Variants in P2RY10 observed in about 807,000 individuals in gnomAD.
P2RY10 encodes P2Y receptor family member 10, also known as putative P2Y purinoceptor 10.
P2RY10 carries 4 observed loss-of-function variants against 12.1 expected under a neutral mutation model. The observed-to-expected ratio is 0.33, with a 90% CI of 0.16 to 0.76. The LOEUF (loss-of-function observed/expected upper bound fraction) is 0.76. Among genes scored for constraint, P2RY10 ranks in the 30% least tolerant of loss-of-function variants. The pLI is 0.61. For synonymous variants in P2RY10, 112 were observed against 94.1 expected (o/e 1.19, Z -1.10); for missense variants, 233 against 264.6 (o/e 0.88, Z 0.83).
rs148580974 is a variant in P2RY10 at position 78,953,611 on chromosome X, G to A, written c.-14+1276G>A. Among the ~76,000 whole-genome samples the A allele has an allele frequency of 4.2e-4, 47 of 111,729 alleles. 4 individuals carry two copies. The East Asian group carries it at 0.013, about 31-fold the overall frequency. On this transcript the variant is annotated intron_variant, in intron 3 of 3. Coordinates refer to ENST00000171757, the MANE Select transcript of P2RY10 (RefSeq NM_014499.4). Reference sequence around the variant, plus strand: ...GACTCCTCAAGCAGTCTTCAAAATTGCTCAATTCCATATCTGACTTTTACT... The same window carrying A: ...GACTCCTCAAGCAGTCTTCAAAATTACTCAATTCCATATCTGACTTTTACT...
chrX:78,946,002 G>A, intron 1 of P2RY10, among the ~76,000 whole-genome samples: 1 of 111,842 alleles, frequency 8.9e-6, no homozygotes, highest in Non-Finnish European at 1.9e-5. Context: ...TCTGGGGGCT[G>A]AAAGGGCCCA....
At chrX:78,958,815 T>G (rs1205685623) in intron 3 of P2RY10, among the ~76,000 whole-genome samples, 2 of 110,906 alleles carry the variant, frequency 1.8e-5, no homozygotes, top group Non-Finnish European at 3.8e-5. Flanking sequence ...AGAGGGCAAA[T>G]AGGGAGATGG....
At chrX:78,951,940 A>G (rs762538984) in intron 2 of P2RY10, among the ~76,000 whole-genome samples, 2 of 110,929 alleles carry the variant, frequency 1.8e-5, no homozygotes, top group Non-Finnish European at 1.9e-5. Context: ...AACAGACTCC[A>G]ATGTTTCTTG....
At chrX:78,952,825 C>A (rs1328060503) in intron 3 of P2RY10, among the ~76,000 whole-genome samples, 1 of 111,667 alleles carries the variant, frequency 9.0e-6, no homozygotes, top group Non-Finnish European at 1.9e-5. Flanking sequence ...TTTCTTCTCA[C>A]CTAATAATCT....
intron 3 of P2RY10, among the ~76,000 whole-genome samples, chrX:78,956,378 T>C (rs1922333997): frequency 9.0e-6 from 1 of 111,731 alleles, no homozygotes; most frequent in Admixed American, 9.5e-5. Flanking sequence ...CTAGTTGATA[T>C]ATCAAGGTTT....
chrX:78,961,081 C>CTG lies in P2RY10; in HGVS notation c.561_562insTG (p.Lys188Ter). The CTG allele has an allele frequency of 8.3e-7, 1 of 1,210,321 alleles. No individual in the cohort carries two copies. The highest frequency in any genetic ancestry group is 1.1e-6 in the Non-Finnish European group (1 of 894,241). On this transcript the variant is annotated frameshift_variant, in exon 4 of 4. Coordinates refer to ENST00000171757, the MANE Select transcript of P2RY10 (RefSeq NM_014499.4). ...AGTCCTGCTTTGCTGATCTTGGATACAAGCAAATGAATGCAGTTGCGTTGG... is the reference window on the plus strand; with the variant it reads ...AGTCCTGCTTTGCTGATCTTGGATACTGAAGCAAATGAATGCAGTTGCGTTGG...
intron 3 of P2RY10, among the ~76,000 whole-genome samples, chrX:78,953,958 C>G (rs190945991): frequency 8.9e-6 from 1 of 112,027 alleles, no homozygotes; most frequent in East Asian, 2.8e-4. Flanking sequence ...TCTGTCTCCC[C>G]GGCTCAAGCG....
intron 3 of P2RY10, among the ~76,000 whole-genome samples, chrX:78,959,368 A>T (rs1196727865): frequency 9.0e-6 from 1 of 111,251 alleles, no homozygotes; most frequent in African/African-American, 3.3e-5. Context: ...GGTCCTTCCC[A>T]GTCTGAAATT....
At chrX:78,957,854 C>T (rs1481506480) in intron 3 of P2RY10, among the ~76,000 whole-genome samples, 1 of 112,410 alleles carries the variant, frequency 8.9e-6, no homozygotes, top group Non-Finnish European at 1.9e-5. Context: ...TGTTATTTAA[C>T]AGGGAGGTGT....
At chrX:78,946,829 G>A (rs897969880) in intron 1 of P2RY10, among the ~76,000 whole-genome samples, 5 of 112,220 alleles carry the variant, frequency 4.5e-5, no homozygotes, top group Non-Finnish European at 9.4e-5. Flanking sequence ...TAGAGTTCAA[G>A]TTGTACAGAC....
intron 3 of P2RY10, among the ~76,000 whole-genome samples, chrX:78,955,233 G>A (rs1411558345): frequency 9.0e-6 from 1 of 111,728 alleles, no homozygotes. Flanking sequence ...TTCACTGATT[G>A]TGATGTTAGA....
chrX:78,946,888 T>A (rs1379990576), intron 1 of P2RY10, among the ~76,000 whole-genome samples: 1 of 111,535 alleles, frequency 9.0e-6, no homozygotes, highest in East Asian at 2.8e-4. Flanking sequence ...ATGGGTTGTT[T>A]TGGTTTGAAA....
rs1333703880 is a variant in P2RY10 at position 78,962,728 on chromosome X, A to C, written c.*1188A>C. ...ACTCAAATAGTTCATTATTTCTAAA[A>C]AATGTATATTTTAAGGCATGATACA... On this transcript the variant is annotated 3_prime_UTR_variant, in exon 4 of 4. Coordinates refer to ENST00000171757, the MANE Select transcript of P2RY10 (RefSeq NM_014499.4). Among the ~76,000 whole-genome samples the C allele has an allele frequency of 1.8e-5, 2 of 111,283 alleles. No individual in the cohort carries two copies. Among genetic ancestry groups the C allele is most frequent in the Non-Finnish European group, 3.8e-5 (2 of 53,042 alleles).
chrX:78,953,650 T>C (rs1234668577), intron 3 of P2RY10, among the ~76,000 whole-genome samples: 1 of 111,624 alleles, frequency 9.0e-6, no homozygotes, highest in Admixed American at 9.5e-5. Flanking sequence ...AATTCTAATC[T>C]AATAGGGTGA....
Position 78,960,650 on chromosome X carries a change from A to G in P2RY10, c.130A>G (p.Ile44Val), listed in dbSNP as rs1922565375. 8.3e-7 allele frequency: 1 copy of G among 1,209,184 alleles called. No individual in the cohort carries two copies. Among genetic ancestry groups the G allele is most frequent in the Non-Finnish European group, 1.1e-6 (1 of 894,637 alleles). ...CCTCTATGCAACCACCTATATCCTC[A>G]TATTCATTCCTGGTCTTCTGGCTAA... The part of the protein sequence containing the change: ...YSLYATTYIL[I>V]FIPGLLANSA... Residue 44 changes from isoleucine (I) to valine (V), a missense_variant, in exon 4 of 4, where the codon ATA becomes GTA. Ile to Val is a conservative substitution (Grantham distance 29, BLOSUM62 3). Coordinates refer to ENST00000171757, the MANE Select transcript of P2RY10 (RefSeq NM_014499.4).
At chrX:78,955,743 A>T (rs1922305796) in intron 3 of P2RY10, among the ~76,000 whole-genome samples, 1 of 112,481 alleles carries the variant, frequency 8.9e-6, no homozygotes, top group African/African-American at 3.2e-5. Flanking sequence ...AAAATATTTT[A>T]AAGAAATATA....
At chrX:78,948,791 C>T (rs1442536670) in intron 2 of P2RY10, among the ~76,000 whole-genome samples, 8 of 112,021 alleles carry the variant, frequency 7.1e-5, no homozygotes, top group Non-Finnish European at 1.3e-4. Context: ...TGCAAAAATA[C>T]ATTATTGCGA....
chrX:78,959,314 C>T (rs759586502), intron 3 of P2RY10, among the ~76,000 whole-genome samples: 1 of 111,039 alleles, frequency 9.0e-6, no homozygotes, highest in African/African-American at 3.3e-5. Flanking sequence ...CTGGGCCTTG[C>T]TTCTATCTAT....
In P2RY10 at chrX:78,961,783, G is replaced by A; in HGVS notation, c.*243G>A. ...AAATTCAAGCCACTTTCTTATTTAA[G>A]AAACCTAGATCAAGTTTTTACAGAT... On this transcript the variant is annotated 3_prime_UTR_variant, in exon 4 of 4. Transcript: ENST00000171757. The A allele has an allele frequency of 3.3e-6, 1 of 299,723 alleles. No homozygotes were observed. The highest frequency in any genetic ancestry group is 2.7e-5 in the African/African-American group (1 of 36,656). The allele number at this position is 299,723 out of a possible 1,213,427, so 24.7% of individuals were successfully genotyped here. A position where few individuals can be genotyped will look rare whatever the true frequency, so the allele number is the denominator to read the frequency against.
Sources: gnomAD v4.1 joint callset for allele counts (sites outside exome capture counted in the v4.1 genomes callset) on GRCh38, gnomAD v4.1.1 for gene constraint, MANE v1.5 for transcripts, NCBI Gene and HGNC (gene_info 2026-07-23, HGNC 2026-07-21) for gene names.